The following YAE1 variants were observed in gnomAD, a reference collection of about 807,000 sequenced individuals.
The protein encoded by YAE1 is YAE1 maturation factor of ABCE1.
In YAE1, 22 loss-of-function variants were observed where a neutral mutation model predicts 23.0. The observed-to-expected ratio is 0.96, with a 90% CI of 0.68 to 1.37. The LOEUF is 1.37. Among genes scored for constraint, YAE1 ranks in the 40% most tolerant of loss-of-function variants. YAE1 has a pLI of 0.00. For synonymous variants in YAE1, 101 were observed against 97.0 expected (o/e 1.04, Z -0.24); for missense variants, 260 against 262.1 (o/e 0.99, Z 0.06).
intron 2 of YAE1, among the ~76,000 whole-genome samples, chr7:39,592,037 A>C (rs1229858516): frequency 6.6e-6 from 1 of 152,180 alleles, no homozygotes; most frequent in Non-Finnish European, 1.5e-5. Context: ...TTTAGCACTG[A>C]ATATTTCATA....
intron 2 of YAE1, among the ~76,000 whole-genome samples, chr7:39,586,796 C>T (rs1790824366): frequency 6.6e-6 from 1 of 152,206 alleles, no homozygotes. Flanking sequence ...TGCAGTCGGC[C>T]GATAACTATG....
chr7:39,604,207 G>GGAAA (rs1791096001), intron 2 of YAE1, among the ~76,000 whole-genome samples: 1 of 152,196 alleles, frequency 6.6e-6, no homozygotes, highest in South Asian at 2.1e-4. Context: ...TCCAGAGGAA[G>GGAAA]GAAAGAGGCC....
chr7:39,606,581 G>C (rs1208374686), intron 2 of YAE1, among the ~76,000 whole-genome samples: 1 of 152,178 alleles, frequency 6.6e-6, no homozygotes, highest in Non-Finnish European at 1.5e-5. Flanking sequence ...GTGGAACCGG[G>C]TGAATGGTGG....
chr7:39,585,679 A>G (rs1790805560), intron 2 of YAE1, among the ~76,000 whole-genome samples: 1 of 152,230 alleles, frequency 6.6e-6, no homozygotes. Context: ...CCTTTTATAG[A>G]AATGTATTTC....
intron 2 of YAE1, chr7:39,609,565 G>A: frequency 6.6e-7 from 1 of 1,506,580 alleles, no homozygotes; most frequent in Non-Finnish European, 8.9e-7. Context: ...AAGTTGTGGG[G>A]ACAGTGATAA....
At chr7:39,575,569 AGAGAGAGAGTGAGTGT>A (rs1447470806), downstream of YAE1, among the ~76,000 whole-genome samples, 1 of 95,034 alleles carries the variant, frequency 1.1e-5, no homozygotes, top group African/African-American at 7.2e-5. Flanking sequence ...AGAGAGAGAG[AGAGAGAGAGTGAGTGT>A]GTGTGTGTGT....
At chr7:39,607,697 C>T (rs1791150530) in intron 2 of YAE1, among the ~76,000 whole-genome samples, 1 of 152,152 alleles carries the variant, frequency 6.6e-6, no homozygotes, top group Non-Finnish European at 1.5e-5. Context: ...AAGATGTAGT[C>T]TCGCCCTGTT....
At chr7:39,600,762 G>C (rs375972300) in intron 2 of YAE1, among the ~76,000 whole-genome samples, 42 of 152,300 alleles carry the variant, frequency 2.8e-4, no homozygotes, top group African/African-American at 9.9e-4. Flanking sequence ...GCCACGTGAA[G>C]ATGGAGGCAG....
At position 39,598,683 on chromosome 7, in the gene YAE1, A is replaced by C. The variant is rs182980583; in HGVS notation, c.252-10934A>C. 3.2e-3 allele frequency among the ~76,000 whole-genome samples: 481 copies of C among 151,618 alleles called. 3 individuals carry two copies. Among genetic ancestry groups the C allele is most frequent in the African/African-American group, 0.011 (470 of 41,346 alleles). ...TCCCAGCTACTTGTGGGGCTAAGGC[A>C]GGAGGATCGCTTGAACCCAGGAGGT... On this transcript the variant is annotated intron_variant, in intron 2 of 2. Transcript: ENST00000432096.
In YAE1 at chr7:39,572,314, T is replaced by C; in HGVS notation, c.289T>C (p.Ser97Pro). 1.2e-6 allele frequency: 2 copies of C among 1,613,776 alleles called. No individual in the cohort carries two copies. Among genetic ancestry groups the C allele is most frequent in the Non-Finnish European group, 1.7e-6 (2 of 1,179,790 alleles). ...CTGGTGTCACCTTCATAATAATAAT[T>C]CAACTTTGATCAATAAAATAAACAA... ...LSWCHLHNNN[S>P]TLINKINNLL... is the part of the protein sequence containing the mutation. Residue 97 changes from serine to proline, a missense_variant, in exon 3 of 3, where the codon TCA becomes CCA. Coordinates refer to ENST00000223273, the MANE Select transcript of YAE1 (RefSeq NM_020192.5).
intron 1 of YAE1, 186 bp downstream of exon 1, chr7:39,566,733 C>G (rs1790475101): frequency 1.2e-6 from 1 of 823,378 alleles, no homozygotes; most frequent in Admixed American, 3.1e-5. Context: ...AACAACAAGA[C>G]GCATTCTTTG....
chr7:39,575,557 AGAGAGAGAGAGAGAGAGAGAGTGAGT>A (rs199746401), downstream of YAE1, among the ~76,000 whole-genome samples: 15,407 of 140,902 alleles, frequency 0.11, 891 homozygotes, highest in African/African-American at 0.18. Flanking sequence ...AGAGAGAGAG[AGAGAGAGAGAGAGAGAGAGAGTGAGT>A]GTGTGTGTGT....
intron 2 of YAE1, among the ~76,000 whole-genome samples, chr7:39,603,811 G>A (rs1217388533): frequency 6.6e-6 from 1 of 152,168 alleles, no homozygotes; most frequent in Non-Finnish European, 1.5e-5. Context: ...TCCACAGCTG[G>A]ATCTGCACAG....
chr7:39,593,802 A>G (rs1790938788), intron 2 of YAE1, among the ~76,000 whole-genome samples: 1 of 152,118 alleles, frequency 6.6e-6, no homozygotes, highest in African/African-American at 2.4e-5. Flanking sequence ...GATTTCCTAT[A>G]TGTTCATTCA....
At chr7:39,578,952 G>A (rs1302938652) in intron 2 of YAE1, among the ~76,000 whole-genome samples, 3 of 152,100 alleles carry the variant, frequency 2.0e-5, no homozygotes, top group Non-Finnish European at 4.4e-5. Context: ...TATAGTTTCC[G>A]CTACTAAGAA....
At chr7:39,609,366 C>A (rs773929747) in intron 2 of YAE1, among the ~76,000 whole-genome samples, 3 of 152,226 alleles carry the variant, frequency 2.0e-5, no homozygotes, top group Non-Finnish European at 4.4e-5. Flanking sequence ...AGTCATACTT[C>A]TCTATTAAGC....
At chr7:39,599,461 C>G (rs188820734) in intron 2 of YAE1, among the ~76,000 whole-genome samples, 2 of 151,940 alleles carry the variant, frequency 1.3e-5, no homozygotes, top group Admixed American at 1.3e-4. Flanking sequence ...CTGCAACCTC[C>G]GCCTCCCAAG....
intron 2 of YAE1, among the ~76,000 whole-genome samples, chr7:39,596,518 T>A (rs1430295863): frequency 1.3e-5 from 2 of 152,198 alleles, no homozygotes; most frequent in Admixed American, 6.5e-5. Flanking sequence ...ATTACAGGCA[T>A]GAGCCACCAT....
intron 2 of YAE1, among the ~76,000 whole-genome samples, chr7:39,582,163 A>G (rs1410573343): frequency 6.6e-6 from 1 of 151,890 alleles, no homozygotes; most frequent in South Asian, 2.1e-4. Flanking sequence ...TATTGATAGG[A>G]CTATACCATG....
Sources: allele counts gnomAD v4.1 joint callset (sites outside exome capture counted in the v4.1 genomes callset), GRCh38; gene constraint gnomAD v4.1.1; transcripts MANE v1.5; gene names NCBI Gene and HGNC (gene_info 2026-07-23, HGNC 2026-07-21).